ZEB2: variants seen among roughly 807,000 people sequenced by gnomAD.
ZEB2 encodes zinc finger E-box binding homeobox 2.
ZEB2 carries 6 observed loss-of-function variants against 99.9 expected under a neutral mutation model. That is an observed-to-expected ratio of 0.06 (90% CI 0.03 to 0.12). The LOEUF (loss-of-function observed/expected upper bound fraction) is 0.12. Among genes scored for constraint, ZEB2 ranks in the 10% least tolerant of loss-of-function variants. The probability of loss-of-function intolerance (pLI) is 1.00; values close to 1 mark genes in which losing one functional copy is unlikely to be tolerated. For synonymous variants in ZEB2, 517 were observed against 542.5 expected (o/e 0.95, Z 0.65); for missense variants, 969 against 1,502.8 (o/e 0.64, Z 5.87).
chr2:144,513,639 G>C (rs923359654), intron 2 of ZEB2: 31 of 1,533,426 alleles, frequency 2.0e-5, no homozygotes, highest in Admixed American at 5.9e-5. Context: ...CCCTCTTCCC[G>C]GGCTCCGTGG....
In ZEB2 at chr2:144,498,350, G is replaced by C. The variant is rs1276196693; in HGVS notation, c.73+18928C>G. Among the ~76,000 whole-genome samples, 3 of 150,824 alleles carry C rather than the reference G, an allele frequency of 2.0e-5. No homozygotes were observed. In the East Asian group the frequency reaches 5.9e-4, roughly 30 times the overall value. ...TGTAAACTCAGAACCAGTGCAGCCT[G>C]GAGCACGTCATAATACCTCCTCCAT... On this transcript the variant is annotated intron_variant, in intron 2 of 9. Transcript: ENST00000627532.
intron 2 of ZEB2, among the ~76,000 whole-genome samples, chr2:144,431,678 G>A (rs1041075196): frequency 2.0e-5 from 3 of 151,724 alleles, no homozygotes; most frequent in Non-Finnish European, 4.4e-5. Context: ...CAAAAAGAGA[G>A]ATATTCTAAC....
chr2:144,493,890 C>G (rs1180018657), intron 2 of ZEB2, among the ~76,000 whole-genome samples: 1 of 152,078 alleles, frequency 6.6e-6, no homozygotes, highest in Non-Finnish European at 1.5e-5. Flanking sequence ...CAGTGGCTCA[C>G]GCCTGTAATC....
At chr2:144,519,449 G>C (rs751394534) in intron 1 of ZEB2, 2 of 153,530 alleles carry the variant, frequency 1.3e-5, no homozygotes, top group South Asian at 2.0e-4. Flanking sequence ...CCATGTCTAA[G>C]AGAAAGACTT....
intron 4 of ZEB2, among the ~76,000 whole-genome samples, chr2:144,413,405 T>C (rs1390584184): frequency 6.6e-6 from 1 of 152,218 alleles, no homozygotes; most frequent in Non-Finnish European, 1.5e-5. Context: ...ACAAAGCTAA[T>C]AAAACAACAG....
At chr2:144,417,481 A>G (rs1200956111) in intron 4 of ZEB2, among the ~76,000 whole-genome samples, 1 of 152,186 alleles carries the variant, frequency 6.6e-6, no homozygotes, top group Non-Finnish European at 1.5e-5. Context: ...TAGATTCCAC[A>G]TATGAGTGAG....
chr2:144,426,919 C>T (rs1411977271), intron 3 of ZEB2: 1 of 152,048 alleles, frequency 6.6e-6, no homozygotes. Flanking sequence ...TCAAGTGAAT[C>T]CATATTCAGA....
chr2:144,410,393 G>A (rs571070278), intron 4 of ZEB2, among the ~76,000 whole-genome samples: 8 of 152,128 alleles, frequency 5.3e-5, no homozygotes, highest in South Asian at 4.1e-4. Flanking sequence ...TTATGGCTGC[G>A]TTAGATAGAT....
rs775301918 is a variant in ZEB2 at position 144,399,865 on chromosome 2, A to C, written c.1322T>G (p.Val441Gly). 5.6e-6 allele frequency: 9 copies of C among 1,614,108 alleles called. No individual in the cohort carries two copies. Among genetic ancestry groups the C allele is most frequent in the Non-Finnish European group, 6.8e-6 (8 of 1,180,044 alleles). ...CCCAAGTAAAGGGGCTTCCATCCCT[A>C]CACCTAAGTGCTGCATTGGACTCTG... is the stretch of plus-strand genomic sequence containing the variant. ...SAQSPMQHLG[V>G]GMEAPLLGFP... The change falls in exon 8 of 10, where the codon GTA becomes GGA. Residue 441 changes from valine to glycine, a missense_variant. Physicochemically the swap from Val to Gly is moderately radical, Grantham distance 109. Coordinates refer to ENST00000627532, the MANE Select transcript of ZEB2 (RefSeq NM_014795.4). The surrounding 1 kb of genome is among the most constrained non-coding windows in gnomAD (Gnocchi z 5.6).
chr2:144,414,831 C>A (rs562056467), intron 4 of ZEB2, among the ~76,000 whole-genome samples: 1 of 152,216 alleles, frequency 6.6e-6, no homozygotes, highest in African/African-American at 2.4e-5. Flanking sequence ...ACCATTTGAA[C>A]AGGCCCTACA....
In ZEB2 at chr2:144,398,287, ATT is replaced by A; in HGVS notation, c.2886+12_2886+13del. The A allele has an allele frequency of 6.2e-7, 1 of 1,612,850 alleles. No individual in the cohort carries two copies. Among genetic ancestry groups the A allele is most frequent in the South Asian group, 1.1e-5 (1 of 90,606 alleles). ...CCTCTTTTCTTCATAGCAGAAAAAC[ATT>A]TGTCTCTTTACCTGAAATCCTTGTT... On this transcript the variant is annotated intron_variant, in intron 8 of 9. Transcript: ENST00000627532.
intron 2 of ZEB2, among the ~76,000 whole-genome samples, chr2:144,457,694 G>C (rs1191263226): frequency 6.6e-6 from 1 of 152,124 alleles, no homozygotes; most frequent in African/African-American, 2.4e-5. Context: ...GAATGGAACA[G>C]GTTTTATTTT....
chr2:144,509,769 C>G (rs944155603), intron 2 of ZEB2, among the ~76,000 whole-genome samples: 4 of 152,140 alleles, frequency 2.6e-5, no homozygotes. Flanking sequence ...AAAGTTGTCA[C>G]GAGAGGTTTC....
rs1573792017 is a variant in ZEB2, at chr2:144,485,875, T to C, written c.73+31403A>G. Among the ~76,000 whole-genome samples, 3 of 152,282 alleles carry C rather than the reference T, an allele frequency of 2.0e-5. No homozygotes were observed. The Middle Eastern group carries it at 0.01, about 518-fold the overall frequency. On this transcript the variant is annotated intron_variant, in intron 2 of 9. Transcript: ENST00000627532. The stretch of plus-strand genomic sequence containing the variant: ...CTCAGGCAATCCACCTGTCTCGGCC[T>C]CCCAAAGTGCTGGGATTACAGGTGT...
At chr2:144,513,795 A>G in intron 2 of ZEB2, 1 of 1,536,118 alleles carries the variant, frequency 6.5e-7, no homozygotes. Flanking sequence ...TCTGACTCCA[A>G]GGCTGTGTGG....
At chr2:144,509,258 C>T (rs1379766646) in intron 2 of ZEB2, among the ~76,000 whole-genome samples, 2 of 152,188 alleles carry the variant, frequency 1.3e-5, no homozygotes, top group African/African-American at 4.8e-5. Flanking sequence ...CCCCGTACCT[C>T]ACTTAACAAA....
At position 144,517,423 on chromosome 2, in the gene ZEB2, G is replaced by C. The variant is rs777998212; in HGVS notation, c.-69-4C>G. 2 of 1,568,690 alleles carry C rather than the reference G, an allele frequency of 1.3e-6. No individual in the cohort carries two copies. Among genetic ancestry groups the C allele is most frequent in the South Asian group, 1.1e-5 (1 of 90,140 alleles). On this transcript the variant is annotated splice_polypyrimidine_tract_variant and splice_region_variant and intron_variant, in intron 1 of 9. Transcript: ENST00000627532. ...TTCGGCAGCACGCAGGCTCGATCTA[G>C]CAACCAAACACAGCGACAATGTGGG... is the stretch of plus-strand genomic sequence containing the variant.
chr2:144,433,368 A>C (rs1285658291), intron 2 of ZEB2, among the ~76,000 whole-genome samples: 2 of 152,224 alleles, frequency 1.3e-5, no homozygotes, highest in East Asian at 3.8e-4. Context: ...CAGGTACTGT[A>C]CTGTATTACA....
intron 9 of ZEB2, among the ~76,000 whole-genome samples, chr2:144,392,928 C>T (rs1378566887): frequency 6.6e-6 from 1 of 152,034 alleles, no homozygotes; most frequent in Non-Finnish European, 1.5e-5. Context: ...AAAAAATTAC[C>T]ATATAACTGA....
Sources: gnomAD v4.1 joint callset for allele counts (sites outside exome capture counted in the v4.1 genomes callset) on GRCh38, gnomAD v4.1.1 for gene constraint, Gnocchi (gnomAD v3.1) non-coding constraint, MANE v1.5 for transcripts, NCBI Gene and HGNC (gene_info 2026-07-23, HGNC 2026-07-21) for gene names.